Variants in PACS1 observed in about 807,000 individuals in gnomAD.
PACS1 encodes phosphofurin acidic cluster sorting protein 1, also known as PACS-1.
Under a neutral mutation model 115.0 loss-of-function variants are expected in PACS1, and 24 were observed. That is an observed-to-expected ratio of 0.21 (90% confidence interval 0.15 to 0.29). PACS1 has a LOEUF of 0.29. PACS1 is among the 10% of genes least tolerant of loss of function. PACS1 has a pLI of 1.00. For synonymous variants in PACS1, 453 were observed against 504.5 expected, an observed-to-expected ratio of 0.90 and a Z score of 1.37; for missense variants, 838 against 1,251.2, an observed-to-expected ratio of 0.67 and a Z score of 4.98.
At chr11:66,111,075 C>G (rs982686193) in intron 1 of PACS1, among the ~76,000 whole-genome samples, 1 of 152,164 alleles carries the variant, frequency 6.6e-6, no homozygotes, top group Non-Finnish European at 1.5e-5. Context: ...AGTGTACTTA[C>G]ACAAACCCAG....
At chr11:66,150,391 G>A (rs1859208773) in intron 1 of PACS1, among the ~76,000 whole-genome samples, 1 of 151,988 alleles carries the variant, frequency 6.6e-6, no homozygotes, top group African/African-American at 2.4e-5. Flanking sequence ...GCAGGAAACA[G>A]ATTCTATTTC....
At chr11:66,212,994 G>A (rs1855112571) in intron 4 of PACS1, among the ~76,000 whole-genome samples, 1 of 152,006 alleles carries the variant, frequency 6.6e-6, no homozygotes, top group Non-Finnish European at 1.5e-5. Context: ...GGATTACAGG[G>A]ACCCGCCACC....
chr11:66,229,619 C>T (rs1855540830), intron 11 of PACS1, among the ~76,000 whole-genome samples: 1 of 151,996 alleles, frequency 6.6e-6, no homozygotes, highest in Non-Finnish European at 1.5e-5. Flanking sequence ...GCAGAGCTTG[C>T]AGTGAGCCGA....
intron 1 of PACS1, among the ~76,000 whole-genome samples, chr11:66,107,149 C>A (rs1053126155): frequency 6.6e-6 from 1 of 152,176 alleles, no homozygotes; most frequent in Non-Finnish European, 1.5e-5. Flanking sequence ...GCGGACAGCA[C>A]CCTCCCCCAG....
chr11:66,171,602 C>G (rs1387805701), intron 1 of PACS1, among the ~76,000 whole-genome samples: 1 of 149,054 alleles, frequency 6.7e-6, no homozygotes, highest in Admixed American at 6.6e-5. Flanking sequence ...TTTTTTGAAA[C>G]GGAGTCTCGC....
intron 1 of PACS1, among the ~76,000 whole-genome samples, chr11:66,113,910 C>T (rs1858243832): frequency 1.3e-5 from 2 of 152,108 alleles, no homozygotes; most frequent in African/African-American, 2.4e-5. Context: ...TCATAAAGTA[C>T]TCAAGCAAAC....
chr11:66,158,263 C>A (rs1031813644), intron 1 of PACS1, among the ~76,000 whole-genome samples: 12 of 152,202 alleles, frequency 7.9e-5, no homozygotes, highest in African/African-American at 2.9e-4. Context: ...GCCACTGTGC[C>A]CGGCCTGCAC....
chr11:66,113,681 C>T (rs1166147663), intron 1 of PACS1, among the ~76,000 whole-genome samples: 1 of 152,152 alleles, frequency 6.6e-6, no homozygotes, highest in Non-Finnish European at 1.5e-5. Context: ...AGGATTCCTC[C>T]TGTTCCTGTT....
intron 1 of PACS1, among the ~76,000 whole-genome samples, chr11:66,123,798 G>A (rs929233945): frequency 4.6e-5 from 7 of 152,194 alleles, no homozygotes; most frequent in Non-Finnish European, 1.0e-4. Context: ...TGGGATTACA[G>A]GCGTGAGCCA....
At chr11:66,222,645 G>C (rs1855376841) in intron 10 of PACS1, among the ~76,000 whole-genome samples, 1 of 152,194 alleles carries the variant, frequency 6.6e-6, no homozygotes, top group African/African-American at 2.4e-5. Context: ...CTGTTCACCT[G>C]CTTTACTGGC....
chr11:66,161,679 T>G (rs1162870241), intron 1 of PACS1, among the ~76,000 whole-genome samples: 1 of 152,248 alleles, frequency 6.6e-6, no homozygotes, highest in Non-Finnish European at 1.5e-5. Flanking sequence ...ATTACTCTAA[T>G]TTCATTGGGA....
chr11:66,237,054 G>A (rs1039992467), intron 19 of PACS1, among the ~76,000 whole-genome samples: 1 of 152,214 alleles, frequency 6.6e-6, no homozygotes, highest in Non-Finnish European at 1.5e-5. Context: ...GAGTAGCTGG[G>A]ATTACAGGCA....
In PACS1 at chr11:66,211,276, C is replaced by G; in HGVS notation, c.660+17C>G. On this transcript the variant is annotated intron_variant, in intron 4 of 23. Transcript: ENST00000320580. ...ATGGCAGAGGTGAGAGGAACACAGT[C>G]TCCAGACTGTTGGCCTTTGAGTCAC... The G allele has an allele frequency of 6.2e-7, 1 of 1,612,656 alleles. No homozygotes were observed. Among genetic ancestry groups the G allele is most frequent in the Non-Finnish European group, 8.5e-7 (1 of 1,178,996 alleles).
At position 66,239,212 on chromosome 11, in the gene PACS1, G is replaced by A. The variant is rs1203490980; in HGVS notation, c.2364G>A (p.Leu788=). The A allele has an allele frequency of 1.2e-6, 2 of 1,614,058 alleles. No individual in the cohort carries two copies. The highest frequency in any genetic ancestry group is 2.2e-5 in the South Asian group (2 of 91,088). ...CATCACCACCCTCCAGCTCGGGCCTGAGCCGAGACGCCACGGCCACCCCTC... is the reference window on the plus strand; with the variant it reads ...CATCACCACCCTCCAGCTCGGGCCTAAGCCGAGACGCCACGGCCACCCCTC... ...PSTSPPSSSG[L]SRDATATPPS... is the part of the protein sequence containing the mutation. Residue 788 remains leucine (L), a synonymous_variant, in exon 21 of 24, where the codon CTG becomes CTA. Transcript: ENST00000320580.
Position 66,235,518 on chromosome 11 carries a change from A to G in PACS1, c.2207+115A>G. The G allele has an allele frequency of 3.8e-6, 3 of 779,308 alleles. No homozygotes were observed. The South Asian group carries it at 5.1e-5, about 13-fold the overall frequency. 48.3% of individuals were successfully genotyped at this position (779,308 alleles called of 1,614,324 possible). A position where few individuals can be genotyped will look rare whatever the true frequency, so the allele number is the denominator to read the frequency against. ...CCACATGCTATATTCCTTCATAGGAACCCAAAAGGATATGAGTGGTTTTTA... is the reference window on the plus strand; with the variant it reads ...CCACATGCTATATTCCTTCATAGGAGCCCAAAAGGATATGAGTGGTTTTTA... On this transcript the variant is annotated intron_variant, in intron 18 of 23. Coordinates refer to ENST00000320580, the MANE Select transcript of PACS1 (RefSeq NM_018026.4). The surrounding 1 kb of genome is among the most constrained non-coding windows in gnomAD (Gnocchi z 5.6).
chr11:66,174,742 A>G (rs1437660444), intron 1 of PACS1, among the ~76,000 whole-genome samples: 1 of 152,186 alleles, frequency 6.6e-6, no homozygotes, highest in Non-Finnish European at 1.5e-5. Flanking sequence ...GGGATTAACT[A>G]TAAATGGGCA....
At chr11:66,117,571 G>T (rs1590755675) in intron 1 of PACS1, among the ~76,000 whole-genome samples, 1 of 152,294 alleles carries the variant, frequency 6.6e-6, no homozygotes, top group East Asian at 1.9e-4. Context: ...TTATGGCCGG[G>T]CGTGGTGGCC....
chr11:66,102,996 A>G (rs1286363571), intron 1 of PACS1, among the ~76,000 whole-genome samples: 1 of 151,450 alleles, frequency 6.6e-6, no homozygotes, highest in Non-Finnish European at 1.5e-5. Flanking sequence ...ACGCCCAGCT[A>G]ATTTTTGTAT....
intron 1 of PACS1, among the ~76,000 whole-genome samples, chr11:66,191,333 C>G (rs374693737): frequency 1.2e-4 from 18 of 152,288 alleles, no homozygotes; most frequent in African/African-American, 3.1e-4. Context: ...ATCTCAGGAG[C>G]CTTAACTTAA....
Sources: gnomAD v4.1 joint callset for allele counts (sites outside exome capture counted in the v4.1 genomes callset) on GRCh38, gnomAD v4.1.1 for gene constraint, Gnocchi (gnomAD v3.1) non-coding constraint, MANE v1.5 for transcripts, NCBI Gene and HGNC (gene_info 2026-07-23, HGNC 2026-07-21) for gene names.